Variants in RTN4RL2 observed in about 807,000 individuals in gnomAD.
The protein encoded by RTN4RL2 is reticulon-4 receptor-like 2.
A neutral mutation model predicts 27.8 loss-of-function variants in RTN4RL2; 9 were observed. The observed-to-expected ratio is 0.32, with a 90% CI of 0.20 to 0.57. RTN4RL2 has a LOEUF of 0.57. Ranked by LOEUF, RTN4RL2 falls within the 20% of genes least tolerant of loss-of-function variation. The pLI, the probability that RTN4RL2 is intolerant of heterozygous loss-of-function variation, is 0.90. For missense variants in RTN4RL2, 436 were observed against 596.8 expected (o/e 0.73, Z 2.81); for synonymous variants, 285 against 297.9 (o/e 0.96, Z 0.45).
intron 2 of RTN4RL2, among the ~76,000 whole-genome samples, chr11:57,472,157 G>A (rs527623001): frequency 3.3e-5 from 5 of 151,584 alleles, no homozygotes; most frequent in Non-Finnish European, 7.4e-5. Flanking sequence ...CGCACCCGCC[G>A]ACACTTGTTT....
rs11370612 is a variant in RTN4RL2 at position 57,467,377 on chromosome 11, A to ATT, written c.32-220_32-219dup. On this transcript the variant is annotated intron_variant, in intron 1 of 2. Coordinates refer to ENST00000335099, the MANE Select transcript of RTN4RL2 (RefSeq NM_178570.3). This position sits in a 1 kb window ranked among gnomAD's most constrained non-coding sequence, Gnocchi z 5.5. ...AGGCACATGCCACCATGCCTGGCTA[A>ATT]TTTTTTTTTTTTTCTTGTAAAGACA... Among the ~76,000 whole-genome samples the ATT allele has an allele frequency of 6.0e-3, 868 of 145,666 alleles. 7 individuals are homozygous for ATT. The highest frequency in any genetic ancestry group is 0.021 in the African/African-American group (828 of 39,810).
chr11:57,473,374 GT>G (rs1463723957), intron 2 of RTN4RL2, among the ~76,000 whole-genome samples: 1 of 152,172 alleles, frequency 6.6e-6, no homozygotes, highest in Non-Finnish European at 1.5e-5. Context: ...TTTGATTAGT[GT>G]CAGAGCCAAG....
At chr11:57,461,630 C>T (rs565913628) in intron 1 of RTN4RL2, among the ~76,000 whole-genome samples, 30 of 151,526 alleles carry the variant, frequency 2.0e-4, no homozygotes, top group African/African-American at 5.6e-4. Context: ...AGAGGAAAGA[C>T]CAGATCAGGG....
intron 1 of RTN4RL2, among the ~76,000 whole-genome samples, chr11:57,462,292 C>T (rs1943490768): frequency 6.6e-6 from 1 of 152,116 alleles, no homozygotes; most frequent in Non-Finnish European, 1.5e-5. Context: ...AGTGCCTCCC[C>T]AGGCCCCTGC....
intron 2 of RTN4RL2, among the ~76,000 whole-genome samples, chr11:57,475,721 G>C (rs1415907828): frequency 6.6e-6 from 1 of 152,152 alleles, no homozygotes; most frequent in African/African-American, 2.4e-5. Context: ...GTTAATGACA[G>C]ATCCAAGATT....
intron 1 of RTN4RL2, among the ~76,000 whole-genome samples, chr11:57,461,621 G>A (rs547618457): frequency 6.6e-6 from 1 of 151,874 alleles, no homozygotes; most frequent in Admixed American, 6.5e-5. Flanking sequence ...GAGGGAAGGA[G>A]AGGAAAGACC....
At chr11:57,474,988 G>A (rs746387214) in intron 2 of RTN4RL2, among the ~76,000 whole-genome samples, 21 of 152,160 alleles carry the variant, frequency 1.4e-4, no homozygotes, top group Non-Finnish European at 2.9e-4. Context: ...TGGGGGTGGA[G>A]CTGATGCCCC....
Position 57,468,712 on chromosome 11 carries a change from G to C in RTN4RL2, c.513+622G>C, listed in dbSNP as rs565010339. ...TCTCCAATTCACTGGGCAATGGGACGGGAGAAGCCCACACCCCTTCTAGAT... is the reference window on the plus strand; with the variant it reads ...TCTCCAATTCACTGGGCAATGGGACCGGAGAAGCCCACACCCCTTCTAGAT... On this transcript the variant is annotated intron_variant, in intron 2 of 2. Transcript: ENST00000335099. The C allele has an allele frequency of 1.4e-5, 21 of 1,535,832 alleles. No individual in the cohort carries two copies. The African/African-American group carries it at 2.3e-4, about 17-fold the overall frequency.
intron 2 of RTN4RL2, among the ~76,000 whole-genome samples, chr11:57,473,120 G>C (rs548811565): frequency 2.9e-4 from 44 of 152,234 alleles, no homozygotes; most frequent in Non-Finnish European, 3.1e-4. Context: ...TGACGCCGAT[G>C]ATGACGATGA....
At chr11:57,460,936 G>T in intron 1 of RTN4RL2, 40 bp downstream of exon 1, 1 of 1,327,346 alleles carries the variant, frequency 7.5e-7, no homozygotes, top group South Asian at 1.8e-5. Flanking sequence ...GGCATCCTGG[G>T]GAGAGAAGCA....
rs1344627629 is a variant in RTN4RL2 at position 57,460,610 on chromosome 11, G to C, written c.-256G>C. The C allele has an allele frequency of 1.1e-5, 2 of 185,252 alleles. No homozygotes were observed. The highest frequency in any genetic ancestry group is 2.2e-5 in the Non-Finnish European group (2 of 90,344). The allele number at this position is 185,252 out of a possible 1,614,324, so 11.5% of individuals were successfully genotyped here. A position where few individuals can be genotyped will look rare whatever the true frequency, so the allele number is the denominator to read the frequency against. ...CGGACAGCGCAGCTAGCGGGGCGCG[G>C]GCGCTGGGCGTCGACGGCCAGCCCC... is the stretch of plus-strand genomic sequence containing the variant. On this transcript the variant is annotated 5_prime_UTR_variant, in exon 1 of 3. Transcript: ENST00000335099.
At chr11:57,475,365 G>C (rs1481686660) in intron 2 of RTN4RL2, among the ~76,000 whole-genome samples, 1 of 151,968 alleles carries the variant, frequency 6.6e-6, no homozygotes, top group Non-Finnish European at 1.5e-5. Context: ...CTGTGTGCTG[G>C]GCACGTGTCC....
Position 57,467,972 on chromosome 11 carries a change from G to C in RTN4RL2, c.395G>C (p.Arg132Pro). Residue 132 changes from arginine (R) to proline (P), a missense_variant, in exon 2 of 3, where the codon CGG becomes CCG. Around this residue, in one of 3 missense-constraint regions of RTN4RL2, gnomAD observed 365 missense variants for 530.5 expected, o/e 0.69. Coordinates refer to ENST00000335099, the MANE Select transcript of RTN4RL2 (RefSeq NM_178570.3). The surrounding 1 kb of genome is among the most constrained non-coding windows in gnomAD (Gnocchi z 5.5). Reference sequence around the variant, plus strand: ...CCCGACACCTTCCAGGGCCTGGAGCGGCTGCAGTCGCTGCATTTGTACCGC... The same window carrying C: ...CCCGACACCTTCCAGGGCCTGGAGCCGCTGCAGTCGCTGCATTTGTACCGC... The part of the protein sequence containing the change: ...LEPDTFQGLE[R>P]LQSLHLYRCQ... The C allele has an allele frequency of 6.2e-7, 1 of 1,609,674 alleles. No individual in the cohort carries two copies. Among genetic ancestry groups the C allele is most frequent in the Non-Finnish European group, 8.5e-7 (1 of 1,179,930 alleles).
At chr11:57,462,556 T>C (rs118160229) in intron 1 of RTN4RL2, among the ~76,000 whole-genome samples, 2,272 of 152,356 alleles carry the variant, frequency 0.015, 30 homozygotes, top group Non-Finnish European at 0.021. Flanking sequence ...GCCTGGATCC[T>C]GCCCCCTACT....
rs1943601710 is a variant in RTN4RL2 at position 57,476,934 on chromosome 11, G to A, written c.*23G>A. Reference sequence around the variant, plus strand: ...TGACTGCGGTGCTGAGATCGAAGAGGCCAGTGTCCGATCCCCGCTTCCCGT... The same window carrying A: ...TGACTGCGGTGCTGAGATCGAAGAGACCAGTGTCCGATCCCCGCTTCCCGT... On this transcript the variant is annotated 3_prime_UTR_variant, in exon 3 of 3. Transcript: ENST00000335099. This position sits in a 1 kb window ranked among gnomAD's most constrained non-coding sequence, Gnocchi z 8.2. 1.3e-6 allele frequency: 2 copies of A among 1,529,860 alleles called. No homozygotes were observed. Among genetic ancestry groups the A allele is most frequent in the Non-Finnish European group, 1.7e-6 (2 of 1,148,818 alleles). The allele number at this position is 1,529,860 out of a possible 1,614,324, so 94.8% of individuals were successfully genotyped here. A position where few individuals can be genotyped will look rare whatever the true frequency, so the allele number is the denominator to read the frequency against.
chr11:57,464,890 G>A (rs765246497), intron 1 of RTN4RL2, among the ~76,000 whole-genome samples: 1 of 152,166 alleles, frequency 6.6e-6, no homozygotes, highest in African/African-American at 2.4e-5. Flanking sequence ...AACGCCGCAC[G>A]GGGGAGGGGT....
Position 57,476,290 on chromosome 11 carries a change from G to A in RTN4RL2, c.642G>A (p.Arg214=), listed in dbSNP as rs1369540940. The change falls in exon 3 of 3, where the codon CGG becomes CGA. Residue 214 remains arginine, a synonymous_variant. Transcript: ENST00000335099. This position sits in a 1 kb window ranked among gnomAD's most constrained non-coding sequence, Gnocchi z 8.2. ...SLDRLLLHGN[R]LQGVHRAAFR... is the part of the protein sequence containing the mutation. ...ACCGGCTGCTGCTGCACGGGAACCGGCTGCAGGGCGTGCACCGCGCGGCCT... is the reference window on the plus strand; with the variant it reads ...ACCGGCTGCTGCTGCACGGGAACCGACTGCAGGGCGTGCACCGCGCGGCCT... 4 of 1,612,206 alleles carry A rather than the reference G, an allele frequency of 2.5e-6. No homozygotes were observed. The highest frequency in any genetic ancestry group is 3.4e-6 in the Non-Finnish European group (4 of 1,179,458).
chr11:57,468,849 T>G, intron 2 of RTN4RL2: 1 of 936,918 alleles, frequency 1.1e-6, no homozygotes, highest in Non-Finnish European at 1.7e-6. Context: ...CCAGTAATTG[T>G]TATTCATTGT....
chr11:57,474,233 G>A (rs943513350), intron 2 of RTN4RL2, among the ~76,000 whole-genome samples: 3 of 152,106 alleles, frequency 2.0e-5, no homozygotes, highest in Non-Finnish European at 4.4e-5. Context: ...TGGTGTCAGA[G>A]GCAGCCGAGA....
Sources: gnomAD v4.1 joint callset for allele counts (sites outside exome capture counted in the v4.1 genomes callset) on GRCh38, gnomAD v4.1.1 for gene constraint, gnomAD v4.1.1 regional missense constraint, Gnocchi (gnomAD v3.1) non-coding constraint, MANE v1.5 for transcripts, NCBI Gene and HGNC (gene_info 2026-07-23, HGNC 2026-07-21) for gene names.